GPHN: variants seen among roughly 807,000 people sequenced by gnomAD.
GPHN encodes the protein gephyrin.
A neutral mutation model predicts 95.5 loss-of-function variants in GPHN; 17 were observed. That is an observed-to-expected ratio of 0.18 (90% CI 0.12 to 0.27). The LOEUF is 0.27. Among genes scored for constraint, GPHN ranks in the 10% least tolerant of loss-of-function variants. The probability of loss-of-function intolerance (pLI) is 1.00; values close to 1 mark genes in which losing one functional copy is unlikely to be tolerated. For missense variants in GPHN, 660 were observed against 978.1 expected, an observed-to-expected ratio of 0.67 and a Z score of 4.34; for synonymous variants, 320 against 322.5, an observed-to-expected ratio of 0.99 and a Z score of 0.08.
At chr14:67,372,759 C>T in the GPHN span, among the ~76,000 whole-genome samples, 2 of 151,174 alleles carry the variant, frequency 1.3e-5, no homozygotes, top group African/African-American at 4.9e-5. Context: ...ACCCAGGAGG[C>T]AGAGGTTGCA....
chr14:66,898,466 TAAAAAA>T lies in GPHN; in HGVS notation c.390-17517_390-17512del, dbSNP rs59434196. 3.2e-3 allele frequency among the ~76,000 whole-genome samples: 298 copies of T among 91,754 alleles called. 4 individuals carry two copies. The highest frequency in any genetic ancestry group is 0.013 in the African/African-American group (276 of 20,790). 60.2% of individuals were successfully genotyped at this position (91,754 alleles called of 152,430 possible). A position where few individuals can be genotyped will look rare whatever the true frequency, so the allele number is the denominator to read the frequency against. Reference sequence around the variant, plus strand: ...ACCACTTGCTCCAGTGCTACTTGTTTAAAAAAAAAAAAAAAAAAAAAAAAAGCTACC... The same window carrying T: ...ACCACTTGCTCCAGTGCTACTTGTTTAAAAAAAAAAAAAAAAAAAGCTACC... On this transcript the variant is annotated intron_variant, in intron 5 of 22. Coordinates refer to ENST00000478722, the MANE Select transcript of GPHN (RefSeq NM_020806.5).
chr14:67,038,534 T>C (rs1479795060), intron 10 of GPHN, among the ~76,000 whole-genome samples: 2 of 152,168 alleles, frequency 1.3e-5, no homozygotes, highest in South Asian at 2.1e-4. Context: ...AATGGACATA[T>C]ATTGTCCTTC....
chr14:66,929,813 G>A (rs1017634307), intron 8 of GPHN, among the ~76,000 whole-genome samples: 3 of 151,780 alleles, frequency 2.0e-5, no homozygotes, highest in South Asian at 2.1e-4. Flanking sequence ...CCGGGTTCAC[G>A]CCATTCTCCT....
chr14:67,243,976 A>C, the GPHN span, among the ~76,000 whole-genome samples: 1 of 152,158 alleles, frequency 6.6e-6, no homozygotes, highest in Non-Finnish European at 1.5e-5. Context: ...TGAATGCTAA[A>C]ATGCTGTTCT....
the GPHN span, among the ~76,000 whole-genome samples, chr14:67,451,529 G>A: frequency 6.6e-6 from 1 of 152,196 alleles, no homozygotes; most frequent in African/African-American, 2.4e-5. Flanking sequence ...GTGAGACATG[G>A]AATCAAAAGA....
At chr14:67,642,285 C>G in the GPHN span, 1 of 1,614,056 alleles carries the variant, frequency 6.2e-7, no homozygotes, top group Non-Finnish European at 8.5e-7. Context: ...GTGGGTCTTG[C>G]CAACCAGGAA....
chr14:66,539,461 C>T (rs1171855011), intron 1 of GPHN, among the ~76,000 whole-genome samples: 2 of 136,974 alleles, frequency 1.5e-5, no homozygotes, highest in Non-Finnish European at 3.0e-5. Context: ...GTTGCCCAGG[C>T]TGGAGTGCAA....
chr14:67,496,391 G>GTGTTTTT, the GPHN span, among the ~76,000 whole-genome samples: 7 of 30,106 alleles, frequency 2.3e-4, no homozygotes, highest in East Asian at 2.4e-3. Flanking sequence ...CTGCTCCGGC[G>GTGTTTTT]TTTTTTTTTT....
chr14:67,497,291 T>C, the GPHN span, among the ~76,000 whole-genome samples: 1 of 152,094 alleles, frequency 6.6e-6, no homozygotes, highest in Non-Finnish European at 1.5e-5. Flanking sequence ...GGTCATCCCC[T>C]TTACAGAGAG....
chr14:66,846,969 T>A (rs1335072227), intron 4 of GPHN, among the ~76,000 whole-genome samples: 2 of 152,176 alleles, frequency 1.3e-5, no homozygotes, highest in Non-Finnish European at 1.5e-5. Context: ...GAAGGTTTAG[T>A]CATATTCATT....
chr14:66,692,382 C>T lies in GPHN; in HGVS notation c.143+11197C>T, dbSNP rs541054995. 3.3e-5 allele frequency among the ~76,000 whole-genome samples: 5 copies of T among 152,156 alleles called. No homozygotes were observed. In the South Asian group the frequency reaches 6.2e-4, roughly 19 times the overall value. On this transcript the variant is annotated intron_variant, in intron 2 of 22. Coordinates refer to ENST00000478722, the MANE Select transcript of GPHN (RefSeq NM_020806.5). ...CTAGGAACTAAACAGGTGCTTTATGCCTAGTTTTTAATATGATGTTTCATA... is the reference window on the plus strand; with the variant it reads ...CTAGGAACTAAACAGGTGCTTTATGTCTAGTTTTTAATATGATGTTTCATA...
intron 1 of GPHN, among the ~76,000 whole-genome samples, chr14:66,633,548 T>C (rs186200043): frequency 6.6e-6 from 1 of 152,332 alleles, no homozygotes; most frequent in Admixed American, 6.5e-5. Context: ...TGCTGAATAG[T>C]ATTCCAGTGT....
intron 2 of GPHN, among the ~76,000 whole-genome samples, chr14:66,741,309 GATAA>G (rs1256796378): frequency 1.3e-5 from 2 of 152,122 alleles, no homozygotes; most frequent in African/African-American, 4.8e-5. Context: ...TTATTCATAT[GATAA>G]ATATTTATTG....
At chr14:67,189,974 G>A in the GPHN span, among the ~76,000 whole-genome samples, 1 of 150,012 alleles carries the variant, frequency 6.7e-6, no homozygotes, top group Non-Finnish European at 1.5e-5. Flanking sequence ...CCGAGTAGCT[G>A]GGATTACAAG....
At chr14:67,727,111 C>G in the GPHN span, 1 of 1,614,222 alleles carries the variant, frequency 6.2e-7, no homozygotes, top group Non-Finnish European at 8.5e-7. Flanking sequence ...GCGAGAAGCG[C>G]TACAGCAGGG....
chr14:66,630,951 C>A (rs766248088), intron 1 of GPHN, among the ~76,000 whole-genome samples: 9 of 151,908 alleles, frequency 5.9e-5, no homozygotes, highest in Non-Finnish European at 8.8e-5. Context: ...TTACATGATC[C>A]CCTCTTACTT....
the GPHN span, among the ~76,000 whole-genome samples, chr14:67,500,716 C>T: frequency 9.3e-5 from 14 of 151,290 alleles, no homozygotes; most frequent in African/African-American, 2.9e-4. Context: ...AGACTACAGG[C>T]GCCCGCCACC....
At chr14:67,561,212 T>C in the GPHN span, among the ~76,000 whole-genome samples, 2 of 152,092 alleles carry the variant, frequency 1.3e-5, no homozygotes, top group Non-Finnish European at 2.9e-5. Context: ...GTCCCAACCC[T>C]TGCTAAAAGA....
chr14:66,556,608 A>C (rs923668352), intron 1 of GPHN, among the ~76,000 whole-genome samples: 3 of 152,216 alleles, frequency 2.0e-5, no homozygotes, highest in Non-Finnish European at 2.9e-5. Context: ...ATTTATATTC[A>C]CATCAGTGAA....
Sources: allele counts gnomAD v4.1 joint callset (sites outside exome capture counted in the v4.1 genomes callset), GRCh38; gene constraint gnomAD v4.1.1; transcripts MANE v1.5; gene names NCBI Gene and HGNC (gene_info 2026-07-23, HGNC 2026-07-21).